The following TOGARAM2 variants were observed in gnomAD, a reference collection of about 807,000 sequenced individuals.
TOGARAM2 encodes TOG array regulator of axonemal microtubules protein 2.
Under a neutral mutation model 93.3 loss-of-function variants are expected in TOGARAM2, and 85 were observed. The observed-to-expected ratio is 0.91, with a 90% CI of 0.76 to 1.09. The LOEUF is 1.09. TOGARAM2 is among the 50% of genes least tolerant of loss of function. The probability of loss-of-function intolerance (pLI) is 0.00; values close to 1 mark genes in which losing one functional copy is unlikely to be tolerated. For synonymous variants in TOGARAM2, 593 were observed against 552.8 expected (o/e 1.07, Z -1.02); for missense variants, 1,277 against 1,334.5 (o/e 0.96, Z 0.67).
chr2:28,999,143 A>T (rs1427595618), intron 3 of TOGARAM2, 38 bp from the exon 4 acceptor site: 1 of 1,563,846 alleles, frequency 6.4e-7, no homozygotes, highest in Admixed American at 1.8e-5. Flanking sequence ...CACCCTGGGT[A>T]CTGCGTGCCA....
At chr2:29,049,173 G>A (rs1465974284) in intron 19 of TOGARAM2, 1 of 150,762 alleles carries the variant, frequency 6.6e-6, no homozygotes, top group Non-Finnish European at 1.5e-5. Flanking sequence ...CCCGATTTTT[G>A]TAGTTTTAGT....
At chr2:29,026,418 G>C (rs1037798861) in intron 13 of TOGARAM2, among the ~76,000 whole-genome samples, 1 of 152,130 alleles carries the variant, frequency 6.6e-6, no homozygotes, top group Non-Finnish European at 1.5e-5. Context: ...GTACTTCCCC[G>C]GGGACAAAGA....
Position 29,052,130 on chromosome 2 carries a change from T to C in TOGARAM2, c.*37T>C. On this transcript the variant is annotated 3_prime_UTR_variant, in exon 20 of 20. Transcript: ENST00000379558. The stretch of plus-strand genomic sequence containing the variant: ...AAATGGGCAATTATTATTTATCTTA[T>C]TTTTTTGATGGACTATTCTCCTGGT... 6.8e-7 allele frequency: 1 copy of C among 1,461,476 alleles called. No homozygotes were observed. The highest frequency in any genetic ancestry group is 9.1e-7 in the Non-Finnish European group (1 of 1,096,254). 90.5% of individuals were successfully genotyped at this position (1,461,476 alleles called of 1,614,324 possible). A position where few individuals can be genotyped will look rare whatever the true frequency, so the allele number is the denominator to read the frequency against.
At chr2:29,030,933 G>C (rs1294463374) in intron 14 of TOGARAM2, among the ~76,000 whole-genome samples, 1 of 152,114 alleles carries the variant, frequency 6.6e-6, no homozygotes, top group Non-Finnish European at 1.5e-5. Flanking sequence ...TGAACTCATT[G>C]CCTCCTCTCC....
upstream of TOGARAM2, among the ~76,000 whole-genome samples, chr2:28,978,323 A>G (rs1295073125): frequency 7.8e-6 from 1 of 127,664 alleles, no homozygotes; most frequent in Non-Finnish European, 1.7e-5. Context: ...TCCCAGAGCA[A>G]GGGGAGAAGA....
intron 1 of TOGARAM2, among the ~76,000 whole-genome samples, chr2:28,958,851 G>A (rs1320711228): frequency 6.6e-6 from 1 of 152,222 alleles, no homozygotes; most frequent in African/African-American, 2.4e-5. Flanking sequence ...AGCCTTCTGG[G>A]AGAGCAGTTG....
At chr2:29,043,673 T>C (rs1666573903) in intron 18 of TOGARAM2, among the ~76,000 whole-genome samples, 1 of 152,346 alleles carries the variant, frequency 6.6e-6, no homozygotes, top group East Asian at 1.9e-4. Context: ...CCCAACTTCC[T>C]ACTGAATTAA....
chr2:29,010,689 G>A (rs1047196065), intron 6 of TOGARAM2, among the ~76,000 whole-genome samples: 3 of 152,064 alleles, frequency 2.0e-5, no homozygotes, highest in African/African-American at 4.8e-5. Flanking sequence ...CATGTAGGAC[G>A]CTGCAGGGCT....
intron 6 of TOGARAM2, among the ~76,000 whole-genome samples, chr2:29,009,528 G>C (rs1046645718): frequency 3.9e-5 from 6 of 151,962 alleles, no homozygotes; most frequent in African/African-American, 1.5e-4. Flanking sequence ...AGGATGCAGA[G>C]GTGGGGGCGG....
intron 1 of TOGARAM2, among the ~76,000 whole-genome samples, chr2:28,964,696 G>A (rs1389469223): frequency 6.8e-6 from 1 of 146,958 alleles, no homozygotes; most frequent in African/African-American, 2.5e-5. Context: ...GTGTCCATGT[G>A]TTCTCATTGT....
chr2:28,966,509 G>T (rs961321174), intron 1 of TOGARAM2, among the ~76,000 whole-genome samples: 3 of 151,824 alleles, frequency 2.0e-5, no homozygotes, highest in African/African-American at 4.8e-5. Context: ...TGTTGGCCAG[G>T]ATGGTCTTGA....
chr2:29,025,379 G>A (rs972982725), intron 13 of TOGARAM2, among the ~76,000 whole-genome samples: 4 of 149,636 alleles, frequency 2.7e-5, no homozygotes, highest in Admixed American at 1.3e-4. Context: ...ATTAACTTAG[G>A]AGAAATGAAT....
intron 6 of TOGARAM2, among the ~76,000 whole-genome samples, chr2:29,006,152 T>C (rs1663797083): frequency 7.1e-6 from 1 of 141,612 alleles, no homozygotes; most frequent in Admixed American, 7.3e-5. Context: ...TGCATGTGCG[T>C]AAGTACATGT....
At chr2:28,996,486 A>G (rs1672994114) in intron 2 of TOGARAM2, among the ~76,000 whole-genome samples, 1 of 152,072 alleles carries the variant, frequency 6.6e-6, no homozygotes, top group South Asian at 2.1e-4. Context: ...AATGAAAACA[A>G]GTAGAATTTG....
intron 18 of TOGARAM2, among the ~76,000 whole-genome samples, chr2:29,045,001 TCTAC>T (rs1300246704): frequency 6.6e-6 from 1 of 152,114 alleles, no homozygotes; most frequent in Non-Finnish European, 1.5e-5. Context: ...CTGTCATCTA[TCTAC>T]CTACCTACCT....
intron 1 of TOGARAM2, among the ~76,000 whole-genome samples, chr2:28,973,480 T>TG (rs1671983044): frequency 8.9e-6 from 1 of 112,864 alleles, no homozygotes; most frequent in Admixed American, 1.0e-4. Context: ...CCTCCCTCCC[T>TG]CCCTCCTTCG....
At position 29,024,168 on chromosome 2, in the gene TOGARAM2, C is replaced by T. The variant is rs1163349632; in HGVS notation, c.1647C>T (p.His549=). 3.8e-6 allele frequency: 6 copies of T among 1,591,794 alleles called. No homozygotes were observed. The highest frequency in any genetic ancestry group is 1.3e-5 in the African/African-American group (1 of 74,446). The change falls in exon 13 of 20, where the codon CAC becomes CAT. Residue 549 remains histidine, a synonymous_variant. Coordinates refer to ENST00000379558, the MANE Select transcript of TOGARAM2 (RefSeq NM_199280.4). ...EVTNLRSKVS[H]LAISTLGDLF... ...CCAACCTGCGGTCCAAGGTGTCTCA[C>T]CTGGCCATCAGCACCTTGGGAGACC...
intron 19 of TOGARAM2, chr2:29,046,937 C>T (rs1178584153): frequency 6.5e-6 from 1 of 152,672 alleles, no homozygotes; most frequent in East Asian, 1.9e-4. Context: ...CTGGCATTAC[C>T]TTCTCCCTGT....
chr2:29,002,502 GACTA>G (rs1558417420), intron 4 of TOGARAM2, 30 bp from the exon 5 acceptor site: 2 of 1,589,756 alleles, frequency 1.3e-6, no homozygotes, highest in South Asian at 1.1e-5. Context: ...GTTCTTCTGG[GACTA>G]ACTGATTTCC....
Sources: gnomAD v4.1 joint callset for allele counts (sites outside exome capture counted in the v4.1 genomes callset) on GRCh38, gnomAD v4.1.1 for gene constraint, MANE v1.5 for transcripts, NCBI Gene and HGNC (gene_info 2026-07-23, HGNC 2026-07-21) for gene names.